The following SMCHD1 variants were observed in gnomAD, a reference collection of about 807,000 sequenced individuals.
SMCHD1 encodes structural maintenance of chromosomes flexible hinge domain-containing protein 1.
SMCHD1 carries 78 observed loss-of-function variants against 254.7 expected under a neutral mutation model. The observed-to-expected ratio is 0.31, with a 90% CI of 0.26 to 0.37. The LOEUF is 0.37. Among genes scored for constraint, SMCHD1 ranks in the 10% least tolerant of loss-of-function variants. SMCHD1 has a pLI of 1.00. For missense variants in SMCHD1, 1,840 were observed against 2,408.1 expected (o/e 0.76, Z 4.94); for synonymous variants, 766 against 794.9 (o/e 0.96, Z 0.61).
intron 25 of SMCHD1, 32 bp from the exon 26 acceptor site, chr18:2,738,365 T>G: frequency 6.7e-7 from 1 of 1,502,110 alleles, no homozygotes; most frequent in Non-Finnish European, 8.9e-7. Context: ...AGACGAAGCT[T>G]TATTATTGTT....
At chr18:2,712,753 C>G (rs1000698771) in intron 17 of SMCHD1, among the ~76,000 whole-genome samples, 3 of 152,172 alleles carry the variant, frequency 2.0e-5, no homozygotes, top group South Asian at 2.1e-4. Context: ...TTGCACTGCT[C>G]CAGCTCATTT....
chr18:2,763,975 ACT>A (rs1476124214), intron 37 of SMCHD1, 186 bp downstream of exon 37: 5 of 517,350 alleles, frequency 9.7e-6, no homozygotes, highest in South Asian at 5.4e-5. Flanking sequence ...TATAAGTAAG[ACT>A]CTCGTTTTTC....
At chr18:2,680,239 G>A (rs1036228201) in intron 5 of SMCHD1, among the ~76,000 whole-genome samples, 5 of 152,076 alleles carry the variant, frequency 3.3e-5, no homozygotes, top group African/African-American at 1.2e-4. Context: ...TGCATGGCTT[G>A]TAATTTTTTA....
At chr18:2,750,604 A>G in intron 32 of SMCHD1, 97 bp downstream of exon 32, 1 of 958,034 alleles carries the variant, frequency 1.0e-6, no homozygotes, top group South Asian at 2.1e-5. Context: ...TGCTCAGTCT[A>G]ATGTAGGAGA....
At chr18:2,759,118 G>C (rs1481550596) in intron 34 of SMCHD1, among the ~76,000 whole-genome samples, 1 of 152,108 alleles carries the variant, frequency 6.6e-6, no homozygotes, top group Non-Finnish European at 1.5e-5. Flanking sequence ...CTTAGTTTCT[G>C]TTGGTTTTCA....
At chr18:2,779,233 G>A (rs2076116647) in intron 44 of SMCHD1, among the ~76,000 whole-genome samples, 1 of 152,164 alleles carries the variant, frequency 6.6e-6, no homozygotes, top group Non-Finnish European at 1.5e-5. Flanking sequence ...TCCAAGTGAT[G>A]TTGGCTAGTT....
rs2143118993 is a variant in SMCHD1 at position 2,694,616 on chromosome 18, T to C, written c.963T>C (p.Ala321=). The change falls in exon 8 of 48, where the codon GCT becomes GCC. Residue 321 remains alanine (A), a synonymous_variant. Transcript: ENST00000320876. ...IEEKEKDSFT[A]VVITGVQPEH... ...AGAAGGAAAAAGATAGCTTTACTGC[T>C]GTGGTTATCACAGGGGTACAACCAG... is the stretch of plus-strand genomic sequence containing the variant. The C allele has an allele frequency of 3.7e-6, 6 of 1,612,638 alleles. No individual in the cohort carries two copies. The highest frequency in any genetic ancestry group is 3.4e-6 in the Non-Finnish European group (4 of 1,178,724).
intron 17 of SMCHD1, among the ~76,000 whole-genome samples, chr18:2,713,328 C>T (rs559380437): frequency 1.3e-4 from 20 of 152,210 alleles, no homozygotes; most frequent in African/African-American, 4.6e-4. Flanking sequence ...GAGAACTTCT[C>T]GTGGTGATTT....
At chr18:2,757,241 C>T (rs28631206) in intron 34 of SMCHD1, among the ~76,000 whole-genome samples, 30,875 of 151,962 alleles carry the variant, frequency 0.2, 3,371 homozygotes, top group South Asian at 0.33. Flanking sequence ...ACCAGAGTGT[C>T]GCTCTTTCAT....
chr18:2,711,573 C>T (rs2074673363), intron 17 of SMCHD1, among the ~76,000 whole-genome samples: 1 of 148,164 alleles, frequency 6.7e-6, no homozygotes, highest in Non-Finnish European at 1.5e-5. Flanking sequence ...AGCTCCGCCT[C>T]CCGGGTTCAC....
chr18:2,671,399 T>C (rs1423510924), intron 3 of SMCHD1, among the ~76,000 whole-genome samples: 1 of 152,160 alleles, frequency 6.6e-6, no homozygotes, highest in Non-Finnish European at 1.5e-5. Context: ...TGAAACCATA[T>C]CAGTTGAAAA....
intron 44 of SMCHD1, among the ~76,000 whole-genome samples, chr18:2,782,080 C>T (rs1254548198): frequency 6.6e-6 from 1 of 152,156 alleles, no homozygotes; most frequent in African/African-American, 2.4e-5. Context: ...ATATTGATTT[C>T]CTTGCTTCCA....
At chr18:2,798,585 A>AAGAC (rs1466200890) in intron 47 of SMCHD1, among the ~76,000 whole-genome samples, 1 of 152,162 alleles carries the variant, frequency 6.6e-6, no homozygotes, top group Non-Finnish European at 1.5e-5. Flanking sequence ...TTCTTTGTAA[A>AAGAC]AGTTATTCTT....
chr18:2,770,862 CTG>C (rs1377623356), intron 39 of SMCHD1, among the ~76,000 whole-genome samples: 2 of 152,132 alleles, frequency 1.3e-5, no homozygotes, highest in East Asian at 1.9e-4. Context: ...CTCAAGTGAT[CTG>C]CCCACCTTGG....
intron 40 of SMCHD1, among the ~76,000 whole-genome samples, chr18:2,771,953 C>A (rs980308311): frequency 6.6e-6 from 1 of 151,986 alleles, no homozygotes; most frequent in African/African-American, 2.4e-5. Context: ...AATTTATATT[C>A]TTTTATATGT....
At chr18:2,766,244 C>G (rs558198440) in intron 37 of SMCHD1, among the ~76,000 whole-genome samples, 3 of 152,190 alleles carry the variant, frequency 2.0e-5, no homozygotes, top group Non-Finnish European at 4.4e-5. Flanking sequence ...CCACCCGCCT[C>G]GGCCTCCCAA....
chr18:2,774,220 A>G (rs1027308347), intron 41 of SMCHD1, among the ~76,000 whole-genome samples: 3 of 152,196 alleles, frequency 2.0e-5, no homozygotes, highest in Non-Finnish European at 4.4e-5. Flanking sequence ...TACAAAACAC[A>G]TCTAAATGTC....
chr18:2,656,504 C>G lies in SMCHD1; in HGVS notation c.186+243C>G, dbSNP rs111527232. Among the ~76,000 whole-genome samples, 2,332 of 152,378 alleles carry G rather than the reference C, an allele frequency of 0.015. 30 individuals carry two copies. Among genetic ancestry groups the G allele is most frequent in the Middle Eastern group, 0.041 (12 of 294 alleles). ...CGTGGCCCTCCCTCTGCCTCCGCTC[C>G]TTTTACGGGAGGCCTTGCCGGCCCG... is the stretch of plus-strand genomic sequence containing the variant. On this transcript the variant is annotated intron_variant, in intron 1 of 47. Transcript: ENST00000320876.
chr18:2,678,475 C>T (rs1041921685), intron 5 of SMCHD1, among the ~76,000 whole-genome samples: 1 of 151,978 alleles, frequency 6.6e-6, no homozygotes, highest in Non-Finnish European at 1.5e-5. Context: ...TGCCACTACT[C>T]CCGGCTTATT....
Sources: gnomAD v4.1 joint callset for allele counts (sites outside exome capture counted in the v4.1 genomes callset) on GRCh38, gnomAD v4.1.1 for gene constraint, MANE v1.5 for transcripts, NCBI Gene and HGNC (gene_info 2026-07-23, HGNC 2026-07-21) for gene names.